The following ABCA13 variants were observed in gnomAD, a reference collection of about 807,000 sequenced individuals.
ABCA13 encodes the protein ATP-binding cassette sub-family A member 13.
A neutral mutation model predicts 478.7 loss-of-function variants in ABCA13; 476 were observed. The ratio of observed to expected loss-of-function variants is 0.99; its 90% confidence interval spans 0.92 to 1.07. The LOEUF (loss-of-function observed/expected upper bound fraction) is 1.07. Among genes scored for constraint, ABCA13 ranks in the 50% least tolerant of loss-of-function variants. The pLI is 0.00. For missense variants in ABCA13, 6,060 were observed against 5,910.6 expected (o/e 1.03, Z -0.83); for synonymous variants, 2,252 against 2,158.9 (o/e 1.04, Z -1.20).
rs1260858293 is a variant in ABCA13, at chr7:48,271,778, A to G, written c.2121-9A>G. 4.4e-6 allele frequency: 6 copies of G among 1,375,180 alleles called. No homozygotes were observed. Among genetic ancestry groups the G allele is most frequent in the South Asian group, 4.0e-5 (2 of 50,286 alleles). The allele number at this position is 1,375,180 out of a possible 1,614,324, so 85.2% of individuals were successfully genotyped here. A position where few individuals can be genotyped will look rare whatever the true frequency, so the allele number is the denominator to read the frequency against. Reference sequence around the variant, plus strand: ...ATTTTATACTAAAATAATTCTATTAATATTACAGGGCTTTAAATTTCACAA... The same window carrying G: ...ATTTTATACTAAAATAATTCTATTAGTATTACAGGGCTTTAAATTTCACAA... On this transcript the variant is annotated splice_polypyrimidine_tract_variant and intron_variant, in intron 16 of 61. Coordinates refer to ENST00000435803, the MANE Select transcript of ABCA13 (RefSeq NM_152701.5).
intron 48 of ABCA13, among the ~76,000 whole-genome samples, chr7:48,491,728 TAA>T (rs1387505047): frequency 6.6e-6 from 1 of 152,160 alleles, no homozygotes; most frequent in Non-Finnish European, 1.5e-5. Flanking sequence ...AAAATATTGA[TAA>T]AGAACTCCCA....
intron 42 of ABCA13, among the ~76,000 whole-genome samples, chr7:48,434,625 A>G (rs1453538286): frequency 6.6e-6 from 1 of 151,908 alleles, no homozygotes; most frequent in Non-Finnish European, 1.5e-5. Context: ...TTTTCTTCCA[A>G]GAAGTTTATA....
chr7:48,351,432 T>G (rs1179136696), intron 30 of ABCA13, among the ~76,000 whole-genome samples: 1 of 152,206 alleles, frequency 6.6e-6, no homozygotes, highest in Non-Finnish European at 1.5e-5. Flanking sequence ...AGCTAGATAT[T>G]CCGGATGGAG....
intron 1 of ABCA13, among the ~76,000 whole-genome samples, chr7:48,178,130 TC>T (rs1399606158): frequency 2.2e-4 from 34 of 152,374 alleles, no homozygotes; most frequent in African/African-American, 7.7e-4. Context: ...TTCTTTAATT[TC>T]AATTGATCTG....
At chr7:48,640,376 T>C (rs1795018283) in intron 59 of ABCA13, among the ~76,000 whole-genome samples, 1 of 152,182 alleles carries the variant, frequency 6.6e-6, no homozygotes, top group Non-Finnish European at 1.5e-5. Flanking sequence ...ACTTTCAAAA[T>C]ATATGTGTGT....
intron 3 of ABCA13, 72 bp downstream of exon 3, chr7:48,198,432 T>C: frequency 1.3e-6 from 2 of 1,547,484 alleles, no homozygotes; most frequent in Non-Finnish European, 1.8e-6. Flanking sequence ...CTGCTTTTTG[T>C]AAAGCCTCAA....
chr7:48,225,145 C>CTTCCTTCCTTCT (rs1788008462), intron 5 of ABCA13, among the ~76,000 whole-genome samples: 1 of 139,908 alleles, frequency 7.1e-6, no homozygotes, highest in Non-Finnish European at 1.6e-5. Flanking sequence ...GCCTTCCTTC[C>CTTCCTTCCTTCT]TTCCTTCCTT....
At position 48,645,487 on chromosome 7, in the gene ABCA13, A is replaced by C. The variant is rs762891510; in HGVS notation, c.15152A>C (p.His5051Pro). ...QSTLDPSTDSHHTHHLPI is the reference protein window; with the variant it reads ...QSTLDPSTDSPHTHHLPI The stretch of plus-strand genomic sequence containing the variant: ...ACTCTTGATCCATCCACTGACAGTC[A>C]CCACACACATCACTTGCCCATCTGA... Residue 5051 changes from histidine (H) to proline (P), a missense_variant, in exon 62 of 62, where the codon CAC becomes CCC. Physicochemically the swap from His to Pro is moderately conservative, Grantham distance 77. Around this residue, in one of 3 missense-constraint regions of ABCA13, gnomAD observed 1,627 missense variants for 1,571.0 expected, o/e 1.04. Coordinates refer to ENST00000435803, the MANE Select transcript of ABCA13 (RefSeq NM_152701.5). The C allele has an allele frequency of 6.3e-7, 1 of 1,589,534 alleles. No homozygotes were observed. Among genetic ancestry groups the C allele is most frequent in the East Asian group, 2.3e-5 (1 of 44,180 alleles).
At chr7:48,597,327 T>G (rs1790404873) in intron 58 of ABCA13, among the ~76,000 whole-genome samples, 1 of 152,238 alleles carries the variant, frequency 6.6e-6, no homozygotes, top group Non-Finnish European at 1.5e-5. Context: ...CGGTATCCCA[T>G]TTTATAGCTA....
chr7:48,366,182 C>G (rs1811640146), intron 31 of ABCA13, among the ~76,000 whole-genome samples: 1 of 152,052 alleles, frequency 6.6e-6, no homozygotes, highest in Non-Finnish European at 1.5e-5. Flanking sequence ...AAGAAAAGCC[C>G]AGGACCTGAT....
intron 31 of ABCA13, among the ~76,000 whole-genome samples, chr7:48,363,614 T>TA (rs1811223061): frequency 6.6e-6 from 1 of 152,180 alleles, no homozygotes; most frequent in African/African-American, 2.4e-5. Context: ...TTTTACATTT[T>TA]AAAAAACTCT....
chr7:48,340,270 C>T (rs957973122), intron 29 of ABCA13, among the ~76,000 whole-genome samples: 30 of 152,036 alleles, frequency 2.0e-4, no homozygotes, highest in Admixed American at 5.9e-4. Context: ...CCATGCCCGG[C>T]TAATTTTTGT....
intron 41 of ABCA13, among the ~76,000 whole-genome samples, chr7:48,413,626 G>A (rs886246708): frequency 6.6e-6 from 1 of 152,156 alleles, no homozygotes; most frequent in African/African-American, 2.4e-5. Flanking sequence ...AAAAGTCAAA[G>A]TCTGAACATT....
At chr7:48,276,701 TAATA>T in intron 17 of ABCA13, 136 bp downstream of exon 17, 2 of 700,294 alleles carry the variant, frequency 2.9e-6, no homozygotes, top group Non-Finnish European at 4.4e-6. Flanking sequence ...AAATTTGTCT[TAATA>T]AATATTTTAT....
Position 48,274,639 on chromosome 7 carries a change from A to C in ABCA13, c.4973A>C (p.Gln1658Pro). 2 of 1,614,012 alleles carry C rather than the reference A, an allele frequency of 1.2e-6. No individual in the cohort carries two copies. Among genetic ancestry groups the C allele is most frequent in the Non-Finnish European group, 1.7e-6 (2 of 1,179,858 alleles). ...HTSPQNAGYMQALKKVTSVMR... is the reference protein window; with the variant it reads ...HTSPQNAGYMPALKKVTSVMR... Reference sequence around the variant, plus strand: ...AGTCCACAAAATGCAGGTTATATGCAAGCTTTGAAGAAGGTAACTTCTGTC... The same window carrying C: ...AGTCCACAAAATGCAGGTTATATGCCAGCTTTGAAGAAGGTAACTTCTGTC... The change falls in exon 17 of 62, where the codon CAA becomes CCA. Residue 1658 changes from glutamine (Q) to proline (P), a missense_variant. By Grantham distance (76) the Gln-to-Pro change is moderately conservative. Around this residue, in one of 3 missense-constraint regions of ABCA13, gnomAD observed 4,423 missense variants for 4,309.1 expected, o/e 1.03. Transcript: ENST00000435803.
intron 59 of ABCA13, among the ~76,000 whole-genome samples, chr7:48,633,931 C>CATAGATAGATACATAG (rs1278355855): frequency 0.015 from 2,226 of 144,954 alleles, 32 homozygotes; most frequent in Non-Finnish European, 0.018. Flanking sequence ...TAGATAGATA[C>CATAGATAGATACATAG]ATAGATAGAT....
intron 1 of ABCA13, among the ~76,000 whole-genome samples, chr7:48,185,886 G>A (rs185681014): frequency 1.4e-4 from 21 of 151,818 alleles, no homozygotes; most frequent in South Asian, 2.1e-4. Flanking sequence ...AAGTATACAC[G>A]TTCATAATAT....
chr7:48,524,818 G>A (rs1328827646), intron 54 of ABCA13, among the ~76,000 whole-genome samples: 2 of 152,080 alleles, frequency 1.3e-5, no homozygotes, highest in East Asian at 3.9e-4. Flanking sequence ...AGCCCATCTG[G>A]CAAAATGCTA....
rs1262697730 is a variant in ABCA13 at position 48,524,319 on chromosome 7, T to C, written c.14123T>C (p.Val4708Ala). Reference sequence around the variant, plus strand: ...GATGTTGAAAAAGAGGAAAAGAGAGTGTTTGAAGGAAGGACCAATGGAGAC... The same window carrying C: ...GATGTTGAAAAAGAGGAAAAGAGAGCGTTTGAAGGAAGGACCAATGGAGAC... ...DTDVEKEEKR[V>A]FEGRTNGDIL... The change falls in exon 54 of 62, where the codon GTG (valine) becomes GCG (alanine). Residue 4708 changes from valine (V) to alanine (A), a missense_variant. By Grantham distance (64) the Val-to-Ala change is moderately conservative (BLOSUM62 0). This residue lies in a region of ABCA13 where 1,627 missense variants were observed against 1,571.0 expected (regional missense o/e 1.04). Coordinates refer to ENST00000435803, the MANE Select transcript of ABCA13 (RefSeq NM_152701.5). The C allele has an allele frequency of 1.9e-6, 3 of 1,612,800 alleles. No homozygotes were observed. The highest frequency in any genetic ancestry group is 2.5e-6 in the Non-Finnish European group (3 of 1,179,464).
Sources: gnomAD v4.1 joint callset for allele counts (sites outside exome capture counted in the v4.1 genomes callset) on GRCh38, gnomAD v4.1.1 for gene constraint, gnomAD v4.1.1 regional missense constraint, MANE v1.5 for transcripts, NCBI Gene and HGNC (gene_info 2026-07-23, HGNC 2026-07-21) for gene names.